The following FERRY3 variants were observed in gnomAD, a reference collection of about 807,000 sequenced individuals.
The protein encoded by FERRY3 is FERRY endosomal RAB5 effector complex subunit 3, also known as protein C12orf4.
the FERRY3 span, chr12:4,534,117 A>C: frequency 6.6e-7 from 1 of 1,519,840 alleles, no homozygotes; most frequent in Non-Finnish European, 8.8e-7. Flanking sequence ...ACCAAAATCC[A>C]GAATATCCTT....
the FERRY3 span, chr12:4,535,996 A>C: frequency 1.9e-6 from 2 of 1,058,302 alleles, no homozygotes; most frequent in South Asian, 4.4e-5. The surrounding 1 kb of genome is among the most constrained non-coding windows in gnomAD (Gnocchi z 4.0). Context: ...GGTGTTACTT[A>C]AAAAAAAAAA....
chr12:4,513,988 C>G, the FERRY3 span, among the ~76,000 whole-genome samples: 1 of 151,110 alleles, frequency 6.6e-6, no homozygotes, highest in Non-Finnish European at 1.5e-5. Flanking sequence ...TTTTCACAAC[C>G]TACTCATCTG....
the FERRY3 span, among the ~76,000 whole-genome samples, chr12:4,508,074 TAAAG>T: frequency 2.6e-5 from 4 of 152,148 alleles, no homozygotes; most frequent in Non-Finnish European, 2.9e-5. Context: ...ATTGAATAGA[TAAAG>T]AAACTGCAGT....
chr12:4,508,553 T>G, the FERRY3 span, among the ~76,000 whole-genome samples: 1 of 152,156 alleles, frequency 6.6e-6, no homozygotes, highest in African/African-American at 2.4e-5. Context: ...GAGAACAGTC[T>G]GGCCAACATG....
the FERRY3 span, among the ~76,000 whole-genome samples, chr12:4,527,112 A>G: frequency 6.6e-6 from 1 of 152,114 alleles, no homozygotes; most frequent in East Asian, 1.9e-4. Context: ...ATAAATACAA[A>G]CAGATATAAA....
At chr12:4,528,089 A>G in the FERRY3 span, among the ~76,000 whole-genome samples, 1 of 152,122 alleles carries the variant, frequency 6.6e-6, no homozygotes, top group African/African-American at 2.4e-5. Flanking sequence ...ACTATGCTGC[A>G]AGTTAGAGTC....
the FERRY3 span, among the ~76,000 whole-genome samples, chr12:4,503,240 T>G: frequency 2.0e-5 from 3 of 152,208 alleles, no homozygotes; most frequent in African/African-American, 7.2e-5. Context: ...CTGGCAGTAG[T>G]AATCAAATTA....
chr12:4,504,042 G>T, the FERRY3 span, among the ~76,000 whole-genome samples: 1 of 152,200 alleles, frequency 6.6e-6, no homozygotes, highest in Non-Finnish European at 1.5e-5. Flanking sequence ...CACAGTGGAG[G>T]AAACAGCATG....
the FERRY3 span, chr12:4,488,030 T>C: frequency 1.3e-5 from 2 of 152,224 alleles, no homozygotes; most frequent in Non-Finnish European, 1.5e-5. This position sits in a 1 kb window ranked among gnomAD's most constrained non-coding sequence, Gnocchi z 4.9. Context: ...ATATATTTAT[T>C]ATTAGCTTGG....
the FERRY3 span, among the ~76,000 whole-genome samples, chr12:4,531,752 A>C: frequency 1.3e-4 from 20 of 152,016 alleles, no homozygotes; most frequent in Admixed American, 1.3e-4. Context: ...CTAACAACCT[A>C]CCTGTCTGTC....
the FERRY3 span, chr12:4,517,066 G>A: frequency 6.5e-7 from 1 of 1,549,168 alleles, no homozygotes; most frequent in Non-Finnish European, 8.7e-7. Flanking sequence ...CCCACCAAGT[G>A]ATTCTTTCAA....
chr12:4,496,116 A>G, the FERRY3 span, among the ~76,000 whole-genome samples: 1 of 152,172 alleles, frequency 6.6e-6, no homozygotes, highest in African/African-American at 2.4e-5. Flanking sequence ...CAAATCTTCC[A>G]TGTGCCTCCA....
At chr12:4,535,599 GC>G in the FERRY3 span, among the ~76,000 whole-genome samples, 1 of 152,130 alleles carries the variant, frequency 6.6e-6, no homozygotes, top group Non-Finnish European at 1.5e-5. The surrounding 1 kb of genome is among the most constrained non-coding windows in gnomAD (Gnocchi z 4.0). Context: ...ATTTAGGTAA[GC>G]AAAGACTATT....
chr12:4,517,215 C>T, the FERRY3 span: 1 of 1,502,124 alleles, frequency 6.7e-7, no homozygotes, highest in Non-Finnish European at 8.9e-7. Flanking sequence ...CATTTACAAA[C>T]TTCTAAATGC....
the FERRY3 span, among the ~76,000 whole-genome samples, chr12:4,502,110 C>A: frequency 6.6e-6 from 1 of 152,224 alleles, no homozygotes; most frequent in Admixed American, 6.5e-5. The surrounding 1 kb of genome is among the most constrained non-coding windows in gnomAD (Gnocchi z 4.2). Flanking sequence ...AAGTCACCTC[C>A]TCAGAAAGGT....
the FERRY3 span, among the ~76,000 whole-genome samples, chr12:4,523,060 A>C: frequency 6.6e-6 from 1 of 152,210 alleles, no homozygotes; most frequent in African/African-American, 2.4e-5. Flanking sequence ...CTGTACACCT[A>C]AAAGAGAAGA....
chr12:4,503,363 A>G, the FERRY3 span, among the ~76,000 whole-genome samples: 4 of 152,212 alleles, frequency 2.6e-5, no homozygotes, highest in Non-Finnish European at 4.4e-5. Context: ...TCTGTTACTT[A>G]GTGTATGAGA....
chr12:4,490,403 C>A, the FERRY3 span: 1 of 699,902 alleles, frequency 1.4e-6, no homozygotes, highest in Non-Finnish European at 2.3e-6. Flanking sequence ...CCTTAAAAAA[C>A]AGAAAGCGAT....
chr12:4,523,735 C>T, the FERRY3 span, among the ~76,000 whole-genome samples: 1 of 152,146 alleles, frequency 6.6e-6, no homozygotes, highest in Non-Finnish European at 1.5e-5. Context: ...CGCATGTTCT[C>T]ACTCATAGGT....
Sources: allele counts gnomAD v4.1 joint callset (sites outside exome capture counted in the v4.1 genomes callset), GRCh38; gene constraint gnomAD v4.1.1; non-coding constraint Gnocchi (gnomAD v3.1); transcripts MANE v1.5; gene names NCBI Gene and HGNC (gene_info 2026-07-23, HGNC 2026-07-21).